The following NDUFAF6 variants were observed in gnomAD, a reference collection of about 807,000 sequenced individuals.
The protein encoded by NDUFAF6 is NADH dehydrogenase (ubiquinone) complex I, assembly factor 6.
A neutral mutation model predicts 40.8 loss-of-function variants in NDUFAF6; 45 were observed. That is an observed-to-expected ratio of 1.10 (90% CI 0.87 to 1.42). The LOEUF (loss-of-function observed/expected upper bound fraction) is 1.42. NDUFAF6 is among the 40% of genes most tolerant of loss of function. The pLI is 0.00. For synonymous variants in NDUFAF6, 185 were observed against 155.9 expected, an observed-to-expected ratio of 1.19 and a Z score of -1.39; for missense variants, 435 against 418.5, an observed-to-expected ratio of 1.04 and a Z score of -0.34.
chr8:94,937,440 C>CAAAA (rs1173351669), intron 1 of NDUFAF6, among the ~76,000 whole-genome samples: 4 of 93,718 alleles, frequency 4.3e-5, no homozygotes, highest in African/African-American at 1.0e-4. Context: ...GACTCCATCT[C>CAAAA]AAAAAAAAAA....
At chr8:95,079,448 G>T, downstream of NDUFAF6, among the ~76,000 whole-genome samples, 1 of 152,316 alleles carries the variant, frequency 6.6e-6, no homozygotes, top group East Asian at 1.9e-4. Flanking sequence ...TGAGATAAGT[G>T]AGGTTGCTTT....
At chr8:95,036,911 T>G (rs903942343) in intron 3 of NDUFAF6, among the ~76,000 whole-genome samples, 5 of 152,224 alleles carry the variant, frequency 3.3e-5, no homozygotes, top group African/African-American at 1.2e-4. Flanking sequence ...ATGCAGGTCA[T>G]GTTCAGTGCA....
At chr8:94,989,130 T>C (rs1000132096) in intron 2 of NDUFAF6, 6 of 152,182 alleles carry the variant, frequency 3.9e-5, no homozygotes, top group Admixed American at 6.5e-5. Context: ...ATGAGTGAAT[T>C]GTATGCTATG....
At chr8:95,091,951 C>T (rs1417081955) in intron 2 of NDUFAF6, among the ~76,000 whole-genome samples, 2 of 149,858 alleles carry the variant, frequency 1.3e-5, no homozygotes, top group Non-Finnish European at 3.0e-5. Flanking sequence ...ACTCTGTTTA[C>T]CTCCATTATA....
chr8:95,056,660 A>T (rs1042315925), intron 8 of NDUFAF6, among the ~76,000 whole-genome samples: 17 of 152,000 alleles, frequency 1.1e-4, no homozygotes, highest in Admixed American at 1.1e-3. Flanking sequence ...TAATCCCAGT[A>T]CTTTGGGAGG....
At chr8:95,030,320 G>T (rs1241631590) in intron 1 of NDUFAF6, among the ~76,000 whole-genome samples, 1 of 151,978 alleles carries the variant, frequency 6.6e-6, no homozygotes, top group Non-Finnish European at 1.5e-5. Context: ...TGAACTCCTG[G>T]GCTCAAGTAA....
At chr8:95,018,205 A>T (rs1227171710) in intron 2 of NDUFAF6, among the ~76,000 whole-genome samples, 11 of 145,166 alleles carry the variant, frequency 7.6e-5, no homozygotes, top group South Asian at 2.2e-4. Context: ...ATGCTTGGCT[A>T]TTTTTTTTTT....
Position 95,048,462 on chromosome 8 carries a change from T to G in NDUFAF6, c.720T>G (p.Gly240=). The G allele has an allele frequency of 1.2e-6, 2 of 1,611,426 alleles. No homozygotes were observed. Among genetic ancestry groups the G allele is most frequent in the Non-Finnish European group, 1.7e-6 (2 of 1,177,512 alleles). Residue 240 remains glycine (G), a synonymous_variant, in exon 7 of 9, where the codon GGT becomes GGG. Transcript: ENST00000396124. The part of the protein sequence containing the change: ...FLPMDICMLH[G]VSQEDFLRRN... The stretch of plus-strand genomic sequence containing the variant: ...ATGTATATTTCCCCACACAGCATGG[T>G]GTTTCACAAGAGGACTTTCTACGGA...
chr8:95,096,570 ATTCT>A, upstream of NDUFAF6, among the ~76,000 whole-genome samples: 1 of 152,246 alleles, frequency 6.6e-6, no homozygotes, highest in Admixed American at 6.5e-5. Flanking sequence ...GGTTAGTATC[ATTCT>A]TCTCATTTTA....
intron 4 of NDUFAF6, among the ~76,000 whole-genome samples, chr8:95,113,392 T>A (rs1432497997): frequency 1.3e-5 from 2 of 152,238 alleles, no homozygotes; most frequent in East Asian, 3.9e-4. Context: ...GGAGGTCTCA[T>A]GGAGGAATGA....
chr8:95,114,954 C>G (rs1195502368), intron 4 of NDUFAF6, among the ~76,000 whole-genome samples: 2 of 151,760 alleles, frequency 1.3e-5, no homozygotes, highest in African/African-American at 4.8e-5. Flanking sequence ...CCCAGCTACT[C>G]GGGAGGCTGA....
chr8:94,933,834 TGGGGGGGG>T (rs572867137), intron 1 of NDUFAF6, among the ~76,000 whole-genome samples: 2 of 59,022 alleles, frequency 3.4e-5, no homozygotes, highest in African/African-American at 1.2e-4. Flanking sequence ...CAGCACTTTG[TGGGGGGGG>T]GGGGAGGATC....
intron 9 of NDUFAF6, chr8:95,073,239 C>T (rs1021137474): frequency 6.6e-6 from 1 of 152,324 alleles, no homozygotes; most frequent in African/African-American, 2.4e-5. Context: ...TAGGTTCTCG[C>T]CCTTGCGCGC....
chr8:94,938,102 G>A (rs1821166849), intron 1 of NDUFAF6, among the ~76,000 whole-genome samples: 1 of 152,158 alleles, frequency 6.6e-6, no homozygotes, highest in Admixed American at 6.5e-5. Context: ...AGAAAAAGAT[G>A]ACATTGTTTC....
At chr8:94,951,755 A>G (rs1296967382) in intron 2 of NDUFAF6, among the ~76,000 whole-genome samples, 2 of 152,184 alleles carry the variant, frequency 1.3e-5, no homozygotes, top group Non-Finnish European at 2.9e-5. Flanking sequence ...AGACACACAA[A>G]TTTACTGTGT....
intron 2 of NDUFAF6, among the ~76,000 whole-genome samples, chr8:94,997,679 AT>A (rs1826518745): frequency 6.6e-6 from 1 of 152,228 alleles, no homozygotes; most frequent in Non-Finnish European, 1.5e-5. Flanking sequence ...GCTTTAGATA[AT>A]TTGGCATTTA....
downstream of NDUFAF6, among the ~76,000 whole-genome samples, chr8:95,078,092 G>A (rs1033283793): frequency 3.9e-5 from 6 of 152,148 alleles, no homozygotes; most frequent in Non-Finnish European, 7.3e-5. Flanking sequence ...AGGCTAAACA[G>A]TGAGCCTGGG....
rs1191770132 is a variant in NDUFAF6, at chr8:95,045,557, G to T, written c.490G>T (p.Asp164Tyr). The change falls in exon 5 of 9, where the codon GAT (aspartate) becomes TAT (tyrosine). Residue 164 changes from aspartate (D) to tyrosine (Y), a missense_variant. Physicochemically the swap from Asp to Tyr is radical, Grantham distance 160. Transcript: ENST00000396124. The part of the protein sequence containing the change: ...KIVDEREKNL[D>Y]DKAYRNIKEL... ...TTATTTGATGTAGGAAAAAAATCTGGATGACAAAGCATATCGTAATATCAA... is the reference window on the plus strand; with the variant it reads ...TTATTTGATGTAGGAAAAAAATCTGTATGACAAAGCATATCGTAATATCAA... 1 of 1,612,936 alleles carries T rather than the reference G, an allele frequency of 6.2e-7. No homozygotes were observed. Among genetic ancestry groups the T allele is most frequent in the Non-Finnish European group, 8.5e-7 (1 of 1,179,212 alleles).
intron 9 of NDUFAF6, among the ~76,000 whole-genome samples, chr8:95,065,245 G>A (rs985026763): frequency 7.2e-5 from 11 of 152,188 alleles, no homozygotes; most frequent in Non-Finnish European, 1.5e-4. Context: ...CATGCAATTG[G>A]TATGGGAAAT....
Sources: gnomAD v4.1 joint callset for allele counts (sites outside exome capture counted in the v4.1 genomes callset) on GRCh38, gnomAD v4.1.1 for gene constraint, MANE v1.5 for transcripts, NCBI Gene and HGNC (gene_info 2026-07-23, HGNC 2026-07-21) for gene names.